Variants in PAPLN observed in about 807,000 individuals in gnomAD.
PAPLN encodes the protein papilin, proteoglycan like sulfated glycoprotein, also known as papilin.
PAPLN carries 146 observed loss-of-function variants against 159.0 expected under a neutral mutation model. The observed-to-expected ratio is 0.92, with a 90% confidence interval of 0.80 to 1.05. The LOEUF is 1.05. Among genes scored for constraint, PAPLN ranks in the 50% least tolerant of loss-of-function variants. The pLI is 0.00. For missense variants in PAPLN, 1,720 were observed against 1,743.9 expected, an observed-to-expected ratio of 0.99 and a Z score of 0.24; for synonymous variants, 734 against 702.9, an observed-to-expected ratio of 1.04 and a Z score of -0.70.
chr14:73,246,397 ATTTTTTTTTTTTTTTT>A (rs531973214), intron 5 of PAPLN, among the ~76,000 whole-genome samples: 11 of 84,648 alleles, frequency 1.3e-4, no homozygotes, highest in Non-Finnish European at 1.9e-4. Flanking sequence ...TACCCGACCA[ATTTTTTTTTTTTTTTT>A]TTTTTTTTTT....
chr14:73,236,587 T>C (rs1297446270), upstream of PAPLN, among the ~76,000 whole-genome samples: 1 of 151,946 alleles, frequency 6.6e-6, no homozygotes, highest in Non-Finnish European at 1.5e-5. Flanking sequence ...GAGTCCGAGG[T>C]GGGTGGATCA....
Position 73,245,804 on chromosome 14 carries a change from C to G in PAPLN, c.231+108C>G. 7.3e-7 allele frequency: 1 copy of G among 1,378,392 alleles called. No individual in the cohort carries two copies. The highest frequency in any genetic ancestry group is 9.8e-7 in the Non-Finnish European group (1 of 1,019,892). 85.4% of individuals were successfully genotyped at this position (1,378,392 alleles called of 1,614,324 possible). A position where few individuals can be genotyped will look rare whatever the true frequency, so the allele number is the denominator to read the frequency against. ...GCCGCGGGCTGCTGGGTTGGCCCAG[C>G]CTGGGGTCCTCCCGCCAATCCACAG... On this transcript the variant is annotated intron_variant, in intron 4 of 26. Coordinates refer to ENST00000644200, the MANE Select transcript of PAPLN (RefSeq NM_001365906.3). The surrounding 1 kb of genome is among the most constrained non-coding windows in gnomAD (Gnocchi z 4.2).
Position 73,251,730 on chromosome 14 carries a change from T to TGCCAGCA in PAPLN, c.745_751dup (p.Thr251SerfsTer12). ...TGGACCATCGAGGCGGCCCGGGCCC[T>TGCCAGCA]GCCAGCAGCCAGCACCATCCTGCAT... On this transcript the variant is annotated frameshift_variant, in exon 9 of 27. Transcript: ENST00000644200. LOFTEE classifies it high-confidence loss of function. 1 of 1,612,668 alleles carries TGCCAGCA rather than the reference T, an allele frequency of 6.2e-7. No homozygotes were observed.
intron 5 of PAPLN, among the ~76,000 whole-genome samples, chr14:73,247,468 G>T (rs1261574531): frequency 6.6e-6 from 1 of 151,672 alleles, no homozygotes. Context: ...GTGTGTGTGT[G>T]GTGGGGATCG....
chr14:73,253,108 G>T, intron 11 of PAPLN: 2 of 1,397,138 alleles, frequency 1.4e-6, no homozygotes, highest in Non-Finnish European at 1.9e-6. Flanking sequence ...GTGGGCCAGG[G>T]GTCAGGCCAA....
chr14:73,262,906 T>A, intron 19 of PAPLN, 79 bp downstream of exon 19: 1 of 1,256,382 alleles, frequency 8.0e-7, no homozygotes, highest in Non-Finnish European at 1.0e-6. Context: ...ACCCCTGAAG[T>A]CAGCCGGCCC....
At chr14:73,269,784 C>G (rs893549663) in intron 26 of PAPLN, among the ~76,000 whole-genome samples, 3 of 152,338 alleles carry the variant, frequency 2.0e-5, no homozygotes, top group African/African-American at 4.8e-5. Flanking sequence ...TGCCAGGGCC[C>G]TTCCTGCCTG....
Position 73,254,561 on chromosome 14 carries a change from C to G in PAPLN, c.1351C>G (p.Arg451Gly), listed in dbSNP as rs771032543. Residue 451 changes from arginine to glycine, a missense_variant, in exon 13 of 27, where the codon CGG becomes GGG. Coordinates refer to ENST00000644200, the MANE Select transcript of PAPLN (RefSeq NM_001365906.3). ...CGTCCGGAAGCGGAGCGTTACTTGCCGGGGTGAAAGGGGTTCTTTGCTCCA... is the reference window on the plus strand; with the variant it reads ...CGTCCGGAAGCGGAGCGTTACTTGCGGGGGTGAAAGGGGTTCTTTGCTCCA... ...VGVRKRSVTC[R>G]GERGSLLHTA... The G allele has an allele frequency of 1.2e-6, 2 of 1,614,008 alleles. No individual in the cohort carries two copies. Among genetic ancestry groups the G allele is most frequent in the Admixed American group, 1.7e-5 (1 of 60,012 alleles).
upstream of PAPLN, among the ~76,000 whole-genome samples, chr14:73,236,482 G>C (rs1883037894): frequency 6.6e-6 from 1 of 152,262 alleles, no homozygotes; most frequent in Admixed American, 6.5e-5. Context: ...GAGCTCAGGA[G>C]TTCGAGACCA....
At chr14:73,263,909 T>C (rs1400868761) in intron 20 of PAPLN, 127 bp downstream of exon 20, 9 of 977,014 alleles carry the variant, frequency 9.2e-6, no homozygotes, top group Non-Finnish European at 1.2e-5. Flanking sequence ...CTTTGACAGG[T>C]GTGTGTGACA....
At chr14:73,268,425 CCT>C (rs2140310117) in intron 25 of PAPLN, 130 bp from the exon 26 acceptor site, 2 of 921,262 alleles carry the variant, frequency 2.2e-6, no homozygotes, top group African/African-American at 1.7e-5. Flanking sequence ...TTGATTTCTC[CCT>C]GTCCTCCACC....
At position 73,268,622 on chromosome 14, in the gene PAPLN, T is replaced by C; in HGVS notation, c.3566T>C (p.Ile1189Thr). ...CAGTCCCCAGATGGCACGCTGCTCATTTACAACTTGCGGGCCAGGGATGAG... is the reference window on the plus strand; with the variant it reads ...CAGTCCCCAGATGGCACGCTGCTCACTTACAACTTGCGGGCCAGGGATGAG... ...VHQSPDGTLLIYNLRARDEGS... is the reference protein window; with the variant it reads ...VHQSPDGTLLTYNLRARDEGS... Residue 1189 changes from isoleucine (I) to threonine (T), a missense_variant, in exon 26 of 27, where the codon ATT (isoleucine) becomes ACT (threonine). Coordinates refer to ENST00000644200, the MANE Select transcript of PAPLN (RefSeq NM_001365906.3). 1 of 1,614,000 alleles carries C rather than the reference T, an allele frequency of 6.2e-7. No homozygotes were observed. The highest frequency in any genetic ancestry group is 1.1e-5 in the South Asian group (1 of 91,072).
rs1048071133 is a variant in PAPLN, at chr14:73,253,296, G to T, written c.1095-458G>T. On this transcript the variant is annotated intron_variant, in intron 11 of 26. Transcript: ENST00000644200. The stretch of plus-strand genomic sequence containing the variant: ...GTCACCGCTTGGCCTTGGTGGCAGC[G>T]GGCCTCCTGGGATGGTGGCGGACTT... 4 of 1,287,476 alleles carry T rather than the reference G, an allele frequency of 3.1e-6. No homozygotes were observed. In the Admixed American group the frequency reaches 8.1e-5, roughly 26 times the overall value. The allele number at this position is 1,287,476 out of a possible 1,614,324, so 79.8% of individuals were successfully genotyped here.
In PAPLN at chr14:73,250,093, CTG is replaced by C; in HGVS notation, c.449_450del (p.Val150GlyfsTer10). 6.2e-7 allele frequency: 1 copy of C among 1,611,254 alleles called. No individual in the cohort carries two copies. On this transcript the variant is annotated frameshift_variant, in exon 6 of 27. Coordinates refer to ENST00000644200, the MANE Select transcript of PAPLN (RefSeq NM_001365906.3). LOFTEE classifies it high-confidence loss of function. The stretch of plus-strand genomic sequence containing the variant: ...CCTGCGAGCCTGGCAAGAGGGATGT[CTG>C]TGTGGATGGCAGCTGCCGGGTGAGT... ...TPCEPGKRDV[C>X]VDGSCRVVGC...
chr14:73,241,015 G>GC (rs149857133), intron 2 of PAPLN, among the ~76,000 whole-genome samples: 8,630 of 151,232 alleles, frequency 0.057, 338 homozygotes, highest in Non-Finnish European at 0.09. Flanking sequence ...GGGGAGGTCG[G>GC]GGGGGGGATG....
In PAPLN at chr14:73,245,942, G is replaced by A. The variant is rs566488985; in HGVS notation, c.232-131G>A. ...CAGGAGTTCGGGGGTCCGGGGGGCG[G>A]ACTCCACCTCCGGCGGCTCCGATGG... On this transcript the variant is annotated intron_variant, in intron 4 of 26. Transcript: ENST00000644200. This position sits in a 1 kb window ranked among gnomAD's most constrained non-coding sequence, Gnocchi z 4.2. 21 of 1,001,076 alleles carry A rather than the reference G, an allele frequency of 2.1e-5. No homozygotes were observed. The East Asian group carries it at 5.2e-4, about 25-fold the overall frequency. 62.0% of individuals were successfully genotyped at this position (1,001,076 alleles called of 1,614,324 possible).
intron 1 of PAPLN, among the ~76,000 whole-genome samples, chr14:73,239,106 C>T (rs1883264725): frequency 6.6e-6 from 1 of 152,094 alleles, no homozygotes; most frequent in African/African-American, 2.4e-5. Flanking sequence ...AAACCACAGA[C>T]ACTCCACACA....
At chr14:73,252,597 G>A (rs530289363) in intron 10 of PAPLN, 52 bp from the exon 11 acceptor site, 155 of 1,594,218 alleles carry the variant, frequency 9.7e-5, no homozygotes, top group Middle Eastern at 1.7e-4. Context: ...CAGGGAACGC[G>A]CTTGGTGAAT....
chr14:73,247,575 T>G (rs990212308), intron 5 of PAPLN, among the ~76,000 whole-genome samples: 4 of 146,808 alleles, frequency 2.7e-5, no homozygotes, highest in African/African-American at 1.0e-4. Context: ...AGTGGGAGTC[T>G]CATGTCCTCT....
Sources: gnomAD v4.1 joint callset for allele counts (sites outside exome capture counted in the v4.1 genomes callset) on GRCh38, gnomAD v4.1.1 for gene constraint, Gnocchi (gnomAD v3.1) non-coding constraint, MANE v1.5 for transcripts, NCBI Gene and HGNC (gene_info 2026-07-23, HGNC 2026-07-21) for gene names.